Variants in PCBP3 observed in about 807,000 individuals in gnomAD.
PCBP3 encodes the protein poly(rC)-binding protein 3.
PCBP3 carries 25 observed loss-of-function variants against 52.7 expected under a neutral mutation model. The observed-to-expected ratio is 0.47, with a 90% CI of 0.35 to 0.66. The LOEUF is 0.66. PCBP3 is among the 30% of genes least tolerant of loss of function. The pLI, the probability that PCBP3 is intolerant of heterozygous loss-of-function variation, is 0.01. For synonymous variants in PCBP3, 162 were observed against 183.0 expected (o/e 0.89, Z 0.93); for missense variants, 391 against 490.3 (o/e 0.80, Z 1.91).
intron 2 of PCBP3, among the ~76,000 whole-genome samples, chr21:45,695,087 G>A (rs532412775): frequency 1.3e-4 from 20 of 152,170 alleles, no homozygotes; most frequent in Non-Finnish European, 2.4e-4. Flanking sequence ...TCAGTACAGA[G>A]CCTTGACATA....
At chr21:45,919,814 G>GGTGTGTGTGT (rs749618031) in intron 13 of PCBP3, among the ~76,000 whole-genome samples, 1 of 148,708 alleles carries the variant, frequency 6.7e-6, no homozygotes, top group Non-Finnish European at 1.5e-5. Flanking sequence ...CAGAAGCAGA[G>GGTGTGTGTGT]GTGTGTGTGT....
At chr21:45,816,302 C>A (rs1164554852) in intron 4 of PCBP3, among the ~76,000 whole-genome samples, 2 of 151,954 alleles carry the variant, frequency 1.3e-5, no homozygotes, top group Non-Finnish European at 1.5e-5. Flanking sequence ...CTTTATAAAC[C>A]TTTAGATTTA....
At chr21:45,889,545 G>C (rs773365067) in intron 5 of PCBP3, among the ~76,000 whole-genome samples, 16 of 152,326 alleles carry the variant, frequency 1.1e-4, no homozygotes, top group Non-Finnish European at 2.4e-4. Context: ...CCCTCCTCAT[G>C]GCCAGGGCCA....
At chr21:45,833,866 G>C (rs965510436) in intron 4 of PCBP3, among the ~76,000 whole-genome samples, 1 of 152,246 alleles carries the variant, frequency 6.6e-6, no homozygotes, top group Non-Finnish European at 1.5e-5. Flanking sequence ...GGGAACACCT[G>C]ACTCCCTTTT....
At chr21:45,734,481 A>C (rs972425257) in intron 2 of PCBP3, among the ~76,000 whole-genome samples, 8 of 152,260 alleles carry the variant, frequency 5.3e-5, no homozygotes, top group Admixed American at 2.0e-4. Flanking sequence ...TCCTGAGTGC[A>C]GTGCATCCTG....
chr21:45,646,055 C>T (rs531361615), intron 1 of PCBP3, among the ~76,000 whole-genome samples: 6,214 of 60,036 alleles, frequency 0.1, 230 homozygotes, highest in Admixed American at 0.22. Context: ...TCACCTGTTT[C>T]TCTCTCTCTC....
chr21:45,903,085 T>C (rs1003946522), intron 9 of PCBP3, among the ~76,000 whole-genome samples: 6 of 152,148 alleles, frequency 3.9e-5, no homozygotes, highest in African/African-American at 1.4e-4. Context: ...CAGGATACCA[T>C]TCCTAAGATG....
At chr21:45,644,864 T>C (rs1161330445) in intron 1 of PCBP3, among the ~76,000 whole-genome samples, 1 of 152,222 alleles carries the variant, frequency 6.6e-6, no homozygotes, top group African/African-American at 2.4e-5. Flanking sequence ...CCCTCTGAAA[T>C]TGAACTCACT....
intron 1 of PCBP3, among the ~76,000 whole-genome samples, chr21:45,653,142 T>G (rs918507482): frequency 6.6e-6 from 1 of 152,246 alleles, no homozygotes; most frequent in Non-Finnish European, 1.5e-5. Context: ...CTTTGAAATA[T>G]GCTGATTTGC....
intron 3 of PCBP3, among the ~76,000 whole-genome samples, chr21:45,753,710 T>G (rs542979575): frequency 6.6e-6 from 1 of 152,334 alleles, no homozygotes; most frequent in South Asian, 2.1e-4. Context: ...CTCTTATTTT[T>G]GTGTTTGTCT....
At chr21:45,934,995 T>C (rs2076728657) in intron 15 of PCBP3, among the ~76,000 whole-genome samples, 1 of 152,198 alleles carries the variant, frequency 6.6e-6, no homozygotes, top group Non-Finnish European at 1.5e-5. Context: ...AGTCACGCTG[T>C]GCACAAAATG....
At chr21:45,646,053 T>TTTTCTCTCTCTC (rs1487044677) in intron 1 of PCBP3, among the ~76,000 whole-genome samples, 2 of 71,452 alleles carry the variant, frequency 2.8e-5, no homozygotes, top group African/African-American at 9.4e-5. Context: ...TGTCACCTGT[T>TTTTCTCTCTCTC]TCTCTCTCTC....
chr21:45,766,928 TAC>T (rs2089390816), intron 4 of PCBP3, among the ~76,000 whole-genome samples: 1 of 152,140 alleles, frequency 6.6e-6, no homozygotes, highest in African/African-American at 2.4e-5. Flanking sequence ...GTGGTATCAT[TAC>T]AGTCTGTCAG....
chr21:45,855,639 C>T (rs1023284697), intron 5 of PCBP3, among the ~76,000 whole-genome samples: 1 of 152,262 alleles, frequency 6.6e-6, no homozygotes, highest in African/African-American at 2.4e-5. Context: ...AGGCTGCCTC[C>T]GTACCCCGCC....
In PCBP3 at chr21:45,736,743, A is replaced by G. The variant is rs938443910; in HGVS notation, c.-162+1314A>G. Among the ~76,000 whole-genome samples, 1 of 152,192 alleles carries G rather than the reference A, an allele frequency of 6.6e-6. No homozygotes were observed. Among genetic ancestry groups the G allele is most frequent in the African/African-American group, 2.4e-5 (1 of 41,444 alleles). ...GAACAAAGACTTTGTTTGTTCCTTC[A>G]TTCGTTCAGCACATGTTTACAGTGT... On this transcript the variant is annotated intron_variant, in intron 3 of 17. Transcript: ENST00000681687. The surrounding 1 kb of genome is among the most constrained non-coding windows in gnomAD (Gnocchi z 4.6).
intron 5 of PCBP3, among the ~76,000 whole-genome samples, chr21:45,887,462 G>A (rs1458352869): frequency 6.6e-6 from 1 of 152,204 alleles, no homozygotes; most frequent in Non-Finnish European, 1.5e-5. Context: ...TGTAAGACAG[G>A]GTGATGGTGG....
chr21:45,861,671 G>A (rs933712484), intron 5 of PCBP3, among the ~76,000 whole-genome samples: 5 of 152,160 alleles, frequency 3.3e-5, no homozygotes, highest in East Asian at 3.9e-4. Flanking sequence ...AGACCGCACC[G>A]AGGGCAGAGC....
chr21:45,937,695 G>T (rs1052857792), intron 16 of PCBP3, among the ~76,000 whole-genome samples: 9 of 152,250 alleles, frequency 5.9e-5, no homozygotes, highest in African/African-American at 2.2e-4. Flanking sequence ...TGCTGGCAGG[G>T]TTTGCAGGTG....
At position 45,735,163 on chromosome 21, in the gene PCBP3, G is replaced by A. The variant is rs1049682453; in HGVS notation, c.-199-229G>A. Among the ~76,000 whole-genome samples the A allele has an allele frequency of 6.6e-6, 1 of 152,206 alleles. No individual in the cohort carries two copies. The highest frequency in any genetic ancestry group is 1.5e-5 in the Non-Finnish European group (1 of 68,042). On this transcript the variant is annotated intron_variant, in intron 2 of 17. Transcript: ENST00000681687. This position sits in a 1 kb window ranked among gnomAD's most constrained non-coding sequence, Gnocchi z 4.0. ...CCTGGGGTTCTGAGTCTTTATCAGT[G>A]TCGTGTATGTTCCAGACTCAGTTTA... is the stretch of plus-strand genomic sequence containing the variant.
Sources: allele counts gnomAD v4.1 joint callset (sites outside exome capture counted in the v4.1 genomes callset), GRCh38; gene constraint gnomAD v4.1.1; non-coding constraint Gnocchi (gnomAD v3.1); transcripts MANE v1.5; gene names NCBI Gene and HGNC (gene_info 2026-07-23, HGNC 2026-07-21).